Variants in NEK11 observed in about 807,000 individuals in gnomAD.
NEK11 encodes NIMA related kinase 11, also known as serine/threonine-protein kinase Nek11.
Under a neutral mutation model 80.7 loss-of-function variants are expected in NEK11, and 72 were observed. That is an observed-to-expected ratio of 0.89 (90% CI 0.74 to 1.08). The LOEUF is 1.08. Among genes scored for constraint, NEK11 ranks in the 50% least tolerant of loss-of-function variants. The pLI, the probability that NEK11 is intolerant of heterozygous loss-of-function variation, is 0.00. For synonymous variants in NEK11, 251 were observed against 260.7 expected (o/e 0.96, Z 0.36); for missense variants, 764 against 763.6 (o/e 1.00, Z -0.01).
intron 7 of NEK11, among the ~76,000 whole-genome samples, chr3:131,151,278 G>C (rs1259995054): frequency 6.6e-6 from 1 of 151,940 alleles, no homozygotes; most frequent in Non-Finnish European, 1.5e-5. Flanking sequence ...TATTTCACTG[G>C]GAAGTTATAA....
intron 14 of NEK11, among the ~76,000 whole-genome samples, chr3:131,195,266 C>A (rs2093955872): frequency 6.6e-6 from 1 of 152,100 alleles, no homozygotes; most frequent in Admixed American, 6.6e-5. Context: ...CTCCTCCAAC[C>A]TCACCCCATG....
At chr3:131,030,009 G>A (rs2064551292) in intron 3 of NEK11, 131 bp downstream of exon 3, 14 of 792,362 alleles carry the variant, frequency 1.8e-5, no homozygotes, top group Non-Finnish European at 2.6e-5. Flanking sequence ...GGTGGCCAAG[G>A]TTGGCAGATC....
chr3:131,261,013 T>C (rs1024175927), intron 16 of NEK11, among the ~76,000 whole-genome samples: 1 of 152,178 alleles, frequency 6.6e-6, no homozygotes, highest in Non-Finnish European at 1.5e-5. Flanking sequence ...CACAGCTTTT[T>C]CTTTTATGAT....
intron 16 of NEK11, among the ~76,000 whole-genome samples, chr3:131,260,052 C>T (rs1226831329): frequency 5.3e-5 from 8 of 152,164 alleles, no homozygotes; most frequent in Non-Finnish European, 7.3e-5. Context: ...AGTAGAGCAG[C>T]TTTCACAGTG....
At chr3:131,330,190 A>T (rs60865035) in intron 17 of NEK11, 2 of 152,146 alleles carry the variant, frequency 1.3e-5, no homozygotes, top group African/African-American at 4.8e-5. Context: ...AGAGGAATCA[A>T]AGATAACTCA....
intron 17 of NEK11, among the ~76,000 whole-genome samples, chr3:131,321,923 C>T (rs533319740): frequency 5.9e-5 from 9 of 152,180 alleles, no homozygotes; most frequent in Non-Finnish European, 1.3e-4. Flanking sequence ...CTGTGGAAAG[C>T]AGCTTGGAGA....
At chr3:131,263,156 A>G (rs1053823962) in intron 16 of NEK11, among the ~76,000 whole-genome samples, 7 of 151,430 alleles carry the variant, frequency 4.6e-5, no homozygotes, top group African/African-American at 1.7e-4. Flanking sequence ...CATTTACATT[A>G]GGTGTATCTC....
intron 4 of NEK11, among the ~76,000 whole-genome samples, chr3:131,097,586 G>T (rs2077636644): frequency 1.3e-5 from 2 of 152,008 alleles, no homozygotes; most frequent in African/African-American, 4.8e-5. Context: ...GGGGTTGTTT[G>T]TTTTTTTCTT....
At position 131,170,883 on chromosome 3, in the gene NEK11, C is replaced by T. The variant is rs969259958; in HGVS notation, c.1395C>T (p.Tyr465=). Reference sequence around the variant, plus strand: ...AGGATGCCACATCTGACCTTGGATACCATGGTATGTGTTTGCATTGATTTT... The same window carrying T: ...AGGATGCCACATCTGACCTTGGATATCATGGTATGTGTTTGCATTGATTTT... ...IVEDATSDLG[Y]HEIPEDPLVA... The change falls in exon 14 of 18, where the codon TAC becomes TAT. Residue 465 remains tyrosine (Y), a synonymous_variant. Coordinates refer to ENST00000383366, the MANE Select transcript of NEK11 (RefSeq NM_024800.5). 2 of 1,607,440 alleles carry T rather than the reference C, an allele frequency of 1.2e-6. No individual in the cohort carries two copies. The highest frequency in any genetic ancestry group is 3.3e-5 in the Admixed American group (2 of 60,018).
chr3:131,305,463 G>A (rs138574711), intron 17 of NEK11, among the ~76,000 whole-genome samples: 89 of 152,214 alleles, frequency 5.8e-4, no homozygotes, highest in African/African-American at 2.1e-3. Context: ...GATTGGACTG[G>A]CCCCATTCCA....
At chr3:131,236,180 TG>T (rs2107959970) in intron 15 of NEK11, among the ~76,000 whole-genome samples, 2 of 152,300 alleles carry the variant, frequency 1.3e-5, no homozygotes, top group South Asian at 4.1e-4. Context: ...GGCTATTGTA[TG>T]TATAGAGTGG....
intron 17 of NEK11, among the ~76,000 whole-genome samples, chr3:131,276,243 C>G (rs12635741): frequency 0.018 from 2,790 of 152,308 alleles, 39 homozygotes; most frequent in East Asian, 0.084. Flanking sequence ...GAAGCATACT[C>G]AGAGATGGAG....
intron 5 of NEK11, among the ~76,000 whole-genome samples, chr3:131,115,962 CTT>C (rs779955353): frequency 1.2e-4 from 17 of 140,970 alleles, no homozygotes; most frequent in African/African-American, 2.7e-4. Context: ...TTCTTTCTTT[CTT>C]TCTTTCTTTC....
At chr3:131,107,782 G>T (rs1221915513) in intron 4 of NEK11, among the ~76,000 whole-genome samples, 1 of 152,074 alleles carries the variant, frequency 6.6e-6, no homozygotes, top group Non-Finnish European at 1.5e-5. Flanking sequence ...TCAAACCCAT[G>T]TTATTCAAGG....
At position 131,136,915 on chromosome 3, in the gene NEK11, A is replaced by G. The variant is rs369767786; in HGVS notation, c.647+2959A>G. Among the ~76,000 whole-genome samples, 3 of 152,324 alleles carry G rather than the reference A, an allele frequency of 2.0e-5. No homozygotes were observed. The East Asian group carries it at 5.8e-4, about 29-fold the overall frequency. ...GTTATTTTGGTAGGAGAAACAAATAAAGGACAATATTATTTGAATAATGGT... is the reference window on the plus strand; with the variant it reads ...GTTATTTTGGTAGGAGAAACAAATAGAGGACAATATTATTTGAATAATGGT... On this transcript the variant is annotated intron_variant, in intron 7 of 17. Transcript: ENST00000383366.
At chr3:131,332,657 T>A (rs145245522) in intron 17 of NEK11, among the ~76,000 whole-genome samples, 2,342 of 152,182 alleles carry the variant, frequency 0.015, 58 homozygotes, top group African/African-American at 0.054. Context: ...CTTCAGATGA[T>A]CAAAATACTC....
At chr3:131,131,709 A>G (rs2149577887) in intron 5 of NEK11, among the ~76,000 whole-genome samples, 1 of 151,496 alleles carries the variant, frequency 6.6e-6, no homozygotes, top group Non-Finnish European at 1.5e-5. Flanking sequence ...CTTGTTTTCA[A>G]TTTTATTATT....
chr3:131,144,593 C>A (rs1401738003), intron 7 of NEK11, among the ~76,000 whole-genome samples: 1 of 152,108 alleles, frequency 6.6e-6, no homozygotes, highest in Non-Finnish European at 1.5e-5. Context: ...TTTAACAAAA[C>A]CTCTAAGTGA....
intron 14 of NEK11, among the ~76,000 whole-genome samples, chr3:131,223,278 C>G (rs547789357): frequency 1.2e-4 from 19 of 152,174 alleles, no homozygotes; most frequent in African/African-American, 3.4e-4. Flanking sequence ...AAAATGAGTC[C>G]TTTTGTGGGC....
Sources: allele counts gnomAD v4.1 joint callset (sites outside exome capture counted in the v4.1 genomes callset), GRCh38; gene constraint gnomAD v4.1.1; transcripts MANE v1.5; gene names NCBI Gene and HGNC (gene_info 2026-07-23, HGNC 2026-07-21).